SNTG1: variants seen among roughly 807,000 people sequenced by gnomAD.
SNTG1 encodes gamma-1-syntrophin.
Under a neutral mutation model 74.7 loss-of-function variants are expected in SNTG1, and 39 were observed. The observed-to-expected ratio is 0.52, with a 90% CI of 0.40 to 0.68. The LOEUF is 0.68. SNTG1 is among the 30% of genes least tolerant of loss of function. SNTG1 has a pLI of 0.00. For missense variants in SNTG1, 685 were observed against 609.5 expected, an observed-to-expected ratio of 1.12 and a Z score of -1.30; for synonymous variants, 254 against 217.1, an observed-to-expected ratio of 1.17 and a Z score of -1.49.
intron 2 of SNTG1, among the ~76,000 whole-genome samples, chr8:50,190,236 A>G (rs1399074078): frequency 6.6e-6 from 1 of 152,170 alleles, no homozygotes; most frequent in Non-Finnish European, 1.5e-5. Flanking sequence ...TCTTTCTAGA[A>G]CAATATTATA....
chr8:50,700,943 G>C lies in SNTG1; in HGVS notation c.1039-3657G>C, dbSNP rs529995780. On this transcript the variant is annotated intron_variant, in intron 15 of 18. Transcript: ENST00000642720. ...TGATTAGAGGATGCTTTGTCTGAGA[G>C]AGAGTCACGACTTGGGTAATATAAC... Among the ~76,000 whole-genome samples, 42 of 152,282 alleles carry C rather than the reference G, an allele frequency of 2.8e-4. No individual in the cohort carries two copies. In the South Asian group the frequency reaches 7.3e-3, roughly 26 times the overall value.
chr8:50,218,282 A>C lies in SNTG1; in HGVS notation c.-28+45647A>C, dbSNP rs189038967. 7.2e-5 allele frequency among the ~76,000 whole-genome samples: 11 copies of C among 152,318 alleles called. No homozygotes were observed. The East Asian group carries it at 2.1e-3, about 29-fold the overall frequency. On this transcript the variant is annotated intron_variant, in intron 2 of 18. Coordinates refer to ENST00000642720, the MANE Select transcript of SNTG1 (RefSeq NM_018967.5). ...ATTGAGGCCTGAATGCACGTTTAGC[A>C]CTGTGGGTTACGCTTTGCTTCCAAC...
At chr8:50,734,683 T>C (rs1321137741) in intron 17 of SNTG1, among the ~76,000 whole-genome samples, 1 of 147,886 alleles carries the variant, frequency 6.8e-6, no homozygotes, top group African/African-American at 2.5e-5. Flanking sequence ...TATAGATATG[T>C]ATATATGGAC....
At chr8:50,673,396 C>T (rs1292671732) in intron 15 of SNTG1, among the ~76,000 whole-genome samples, 1 of 152,002 alleles carries the variant, frequency 6.6e-6, no homozygotes, top group Non-Finnish European at 1.5e-5. Context: ...CCTTCACATC[C>T]CTGTTAGCTG....
chr8:50,268,259 T>C (rs2130233306), intron 2 of SNTG1, among the ~76,000 whole-genome samples: 1 of 152,310 alleles, frequency 6.6e-6, no homozygotes, highest in South Asian at 2.1e-4. Flanking sequence ...AATCAACCTA[T>C]ATTTAAATAA....
intron 2 of SNTG1, among the ~76,000 whole-genome samples, chr8:50,376,505 G>C (rs1184393030): frequency 6.6e-6 from 1 of 151,800 alleles, no homozygotes; most frequent in African/African-American, 2.4e-5. Flanking sequence ...AAAGGGTATT[G>C]AGACTCAGAT....
intron 1 of SNTG1, among the ~76,000 whole-genome samples, chr8:50,092,265 G>A (rs1279846720): frequency 1.3e-5 from 2 of 152,118 alleles, no homozygotes; most frequent in African/African-American, 4.8e-5. Context: ...TTAATTAGAT[G>A]GTCATTGCTA....
intron 1 of SNTG1, among the ~76,000 whole-genome samples, chr8:49,956,877 C>T (rs1233785265): frequency 6.6e-6 from 1 of 151,966 alleles, no homozygotes; most frequent in African/African-American, 2.4e-5. Context: ...GATTTTCTTT[C>T]CCCTCCTCCA....
intron 2 of SNTG1, among the ~76,000 whole-genome samples, chr8:50,328,484 G>A (rs189433523): frequency 1.5e-4 from 23 of 152,292 alleles, no homozygotes; most frequent in Admixed American, 1.2e-3. Flanking sequence ...TACAATGGTG[G>A]AAGGGGAAAG....
intron 1 of SNTG1, among the ~76,000 whole-genome samples, chr8:49,952,363 G>A (rs1402797186): frequency 2.0e-5 from 3 of 152,150 alleles, no homozygotes; most frequent in African/African-American, 7.2e-5. Flanking sequence ...CTCTAAGGGT[G>A]AGAACCGAAG....
intron 9 of SNTG1, among the ~76,000 whole-genome samples, chr8:50,503,580 T>C (rs2093982057): frequency 6.6e-6 from 1 of 152,204 alleles, no homozygotes; most frequent in South Asian, 2.1e-4. Context: ...TCTTCATACA[T>C]TATTTTGCCT....
At chr8:50,277,264 C>CA (rs11361478) in intron 2 of SNTG1, among the ~76,000 whole-genome samples, 2,069 of 94,962 alleles carry the variant, frequency 0.022, 74 homozygotes, top group African/African-American at 0.088. Context: ...AAGACCCTGC[C>CA]AAAAAAAAAA....
chr8:50,403,507 C>T (rs556090435), intron 4 of SNTG1, among the ~76,000 whole-genome samples: 78 of 152,018 alleles, frequency 5.1e-4, no homozygotes, highest in Non-Finnish European at 7.2e-4. Context: ...TCATATAACC[C>T]TCTAGAATAA....
rs892190161 is a variant in SNTG1, at chr8:50,121,195, A to G, written c.-102-51366A>G. Among the ~76,000 whole-genome samples, 3 of 142,526 alleles carry G rather than the reference A, an allele frequency of 2.1e-5. 1 individual carries two copies. Among genetic ancestry groups the G allele is most frequent in the Non-Finnish European group, 4.7e-5 (3 of 63,958 alleles). The allele number at this position is 142,526 out of a possible 152,430, so 93.5% of individuals were successfully genotyped here. ...CTGAATATAACAACAGCATTGTCAG[A>G]GTTAAAATTTATTGAACTGGATGCT... is the stretch of plus-strand genomic sequence containing the variant. On this transcript the variant is annotated intron_variant, in intron 1 of 18. Transcript: ENST00000642720.
chr8:49,986,746 T>A (rs995447651), intron 1 of SNTG1, among the ~76,000 whole-genome samples: 5 of 149,500 alleles, frequency 3.3e-5, no homozygotes, highest in Admixed American at 2.0e-4. Flanking sequence ...CCAGGTGTTG[T>A]GGTGCATGCC....
intron 12 of SNTG1, among the ~76,000 whole-genome samples, chr8:50,578,672 G>C (rs1046167577): frequency 6.6e-6 from 1 of 152,158 alleles, no homozygotes; most frequent in African/African-American, 2.4e-5. Flanking sequence ...GTTCTCACAA[G>C]ATCTGATGAC....
intron 2 of SNTG1, among the ~76,000 whole-genome samples, chr8:50,205,949 C>T (rs1230093112): frequency 6.6e-6 from 1 of 152,072 alleles, no homozygotes; most frequent in Non-Finnish European, 1.5e-5. Context: ...GTACCAGTAC[C>T]ATGCTGTTTT....
chr8:50,780,329 G>T (rs1021159571), intron 18 of SNTG1, among the ~76,000 whole-genome samples: 5 of 152,032 alleles, frequency 3.3e-5, no homozygotes, highest in Non-Finnish European at 7.4e-5. Flanking sequence ...AATCCCTCTG[G>T]TCCTGGACTC....
chr8:50,634,079 C>T (rs1051201218), intron 13 of SNTG1, among the ~76,000 whole-genome samples: 6 of 152,154 alleles, frequency 3.9e-5, no homozygotes, highest in South Asian at 2.1e-4. Flanking sequence ...ACTGGGCTGC[C>T]GCAGCTGTCC....
Sources: allele counts gnomAD v4.1 joint callset (sites outside exome capture counted in the v4.1 genomes callset), GRCh38; gene constraint gnomAD v4.1.1; transcripts MANE v1.5; gene names NCBI Gene and HGNC (gene_info 2026-07-23, HGNC 2026-07-21).